The following ITGA8 variants were observed in gnomAD, a reference collection of about 807,000 sequenced individuals.
The protein encoded by ITGA8 is integrin subunit alpha 8.
Under a neutral mutation model 142.3 loss-of-function variants are expected in ITGA8, and 91 were observed. The ratio of observed to expected loss-of-function variants is 0.64; its 90% CI spans 0.54 to 0.76. The LOEUF is 0.76. Ranked by LOEUF, ITGA8 falls within the 30% of genes least tolerant of loss-of-function variation. ITGA8 has a pLI of 0.00. For missense variants in ITGA8, 1,406 were observed against 1,327.7 expected (o/e 1.06, Z -0.92); for synonymous variants, 505 against 485.2 (o/e 1.04, Z -0.54).
intron 13 of ITGA8, among the ~76,000 whole-genome samples, chr10:15,642,926 A>G (rs567370563): frequency 2.6e-5 from 4 of 152,324 alleles, no homozygotes; most frequent in African/African-American, 7.2e-5. Context: ...GGGAGGGGCT[A>G]GTGGAAAGAG....
intron 2 of ITGA8, among the ~76,000 whole-genome samples, chr10:15,699,999 T>G (rs913214530): frequency 6.6e-6 from 1 of 152,222 alleles, no homozygotes; most frequent in Non-Finnish European, 1.5e-5. Flanking sequence ...TTCTCTTGTT[T>G]AGTTATTAGT....
At chr10:15,712,121 A>G (rs903344875) in intron 2 of ITGA8, among the ~76,000 whole-genome samples, 1 of 152,244 alleles carries the variant, frequency 6.6e-6, no homozygotes, top group Non-Finnish European at 1.5e-5. Flanking sequence ...ATGGAGGAAC[A>G]CCTTGCTTTA....
At chr10:15,622,905 C>A (rs1282793253) in intron 13 of ITGA8, among the ~76,000 whole-genome samples, 1 of 152,122 alleles carries the variant, frequency 6.6e-6, no homozygotes, top group Non-Finnish European at 1.5e-5. Context: ...ATGAAGGGAA[C>A]ATAGATATAT....
At chr10:15,617,348 G>T (rs1285829133) in intron 13 of ITGA8, among the ~76,000 whole-genome samples, 1 of 151,828 alleles carries the variant, frequency 6.6e-6, no homozygotes, top group Non-Finnish European at 1.5e-5. Flanking sequence ...AGGTAAGGGG[G>T]AATGGTCACA....
chr10:15,604,541 C>T (rs80354974), intron 19 of ITGA8, among the ~76,000 whole-genome samples, 186 bp from the exon 20 acceptor site: 3 of 146,542 alleles, frequency 2.0e-5, no homozygotes, highest in Non-Finnish European at 4.5e-5. Context: ...AGGAAAACAC[C>T]CAGTAGTGTG....
intron 13 of ITGA8, among the ~76,000 whole-genome samples, chr10:15,629,752 C>A (rs1338673130): frequency 6.6e-6 from 1 of 151,940 alleles, no homozygotes; most frequent in African/African-American, 2.4e-5. Context: ...CATGGCAAAA[C>A]CCCATCTCTA....
At chr10:15,626,446 C>T (rs1337191040) in intron 13 of ITGA8, among the ~76,000 whole-genome samples, 1 of 152,106 alleles carries the variant, frequency 6.6e-6, no homozygotes, top group Non-Finnish European at 1.5e-5. Context: ...GTCTCGAACT[C>T]CTGATCTCGT....
At chr10:15,622,784 T>C (rs1471063286) in intron 13 of ITGA8, among the ~76,000 whole-genome samples, 9 of 152,110 alleles carry the variant, frequency 5.9e-5, no homozygotes, top group African/African-American at 2.2e-4. Flanking sequence ...GTATTAAAAC[T>C]ATAAACATTC....
chr10:15,542,985 C>G (rs1179446159), intron 27 of ITGA8, among the ~76,000 whole-genome samples: 10 of 152,048 alleles, frequency 6.6e-5, no homozygotes, highest in African/African-American at 2.2e-4. Context: ...TCTCGGTCAA[C>G]CAAAACATCA....
chr10:15,636,417 C>G (rs12414738), intron 13 of ITGA8, among the ~76,000 whole-genome samples: 32,839 of 152,086 alleles, frequency 0.22, 3,745 homozygotes, highest in Admixed American at 0.31. Context: ...ACTTATGACT[C>G]TATGTAGTGT....
chr10:15,577,592 C>T (rs1478738036), intron 23 of ITGA8, among the ~76,000 whole-genome samples: 2 of 152,000 alleles, frequency 1.3e-5, no homozygotes, highest in East Asian at 3.8e-4. Flanking sequence ...AAGCATGGCT[C>T]ACAAAATTCA....
intron 26 of ITGA8, among the ~76,000 whole-genome samples, chr10:15,553,189 C>T (rs930521905): frequency 4.6e-5 from 7 of 151,502 alleles, no homozygotes; most frequent in East Asian, 1.9e-4. Flanking sequence ...TCCGGGAGGC[C>T]GAGGTTACAG....
chr10:15,581,292 C>G (rs1367324239), intron 23 of ITGA8, among the ~76,000 whole-genome samples: 1 of 152,140 alleles, frequency 6.6e-6, no homozygotes, highest in Non-Finnish European at 1.5e-5. Flanking sequence ...GGTGAGCTTC[C>G]CTGGTAGGTG....
chr10:15,675,479 CA>C (rs1834610231), intron 6 of ITGA8, among the ~76,000 whole-genome samples: 1 of 152,186 alleles, frequency 6.6e-6, no homozygotes, highest in Non-Finnish European at 1.5e-5. Flanking sequence ...CTTTTACAGT[CA>C]GTACCACCAT....
intron 13 of ITGA8, among the ~76,000 whole-genome samples, chr10:15,628,354 G>T (rs1303561938): frequency 5.0e-5 from 5 of 100,972 alleles, no homozygotes; most frequent in African/African-American, 2.2e-4. Context: ...TTTTTTTTGA[G>T]ATGGAGTCTC....
intron 2 of ITGA8, among the ~76,000 whole-genome samples, chr10:15,701,406 G>A (rs980523612): frequency 6.6e-6 from 1 of 152,190 alleles, no homozygotes; most frequent in African/African-American, 2.4e-5. Context: ...CTTTAGATGG[G>A]TGGTATCAAT....
At chr10:15,644,346 C>T in intron 12 of ITGA8, 125 bp from the exon 13 acceptor site, 2 of 810,998 alleles carry the variant, frequency 2.5e-6, no homozygotes, top group East Asian at 2.8e-5. Context: ...TGGCTCACCG[C>T]AGCCCCACAC....
intron 13 of ITGA8, among the ~76,000 whole-genome samples, chr10:15,639,373 G>T (rs1182769700): frequency 6.6e-6 from 1 of 152,210 alleles, no homozygotes; most frequent in Non-Finnish European, 1.5e-5. Flanking sequence ...TTTGCTCAAA[G>T]TGGGGTGCTG....
At chr10:15,632,041 G>A (rs1257296969) in intron 13 of ITGA8, among the ~76,000 whole-genome samples, 1 of 151,876 alleles carries the variant, frequency 6.6e-6, no homozygotes, top group African/African-American at 2.4e-5. Flanking sequence ...CCTATGAGTG[G>A]GATATGATTT....
Sources: gnomAD v4.1 joint callset for allele counts (sites outside exome capture counted in the v4.1 genomes callset) on GRCh38, gnomAD v4.1.1 for gene constraint, MANE v1.5 for transcripts, NCBI Gene and HGNC (gene_info 2026-07-23, HGNC 2026-07-21) for gene names.